The following SPATA6 variants were observed in gnomAD, a reference collection of about 807,000 sequenced individuals.
SPATA6 encodes the protein spermatogenesis associated 6, also known as spermatogenesis-associated protein 6.
In SPATA6, 56 loss-of-function variants were observed where a neutral mutation model predicts 65.3. The ratio of observed to expected loss-of-function variants is 0.86; its 90% CI spans 0.69 to 1.07. The LOEUF is 1.07. Ranked by LOEUF, SPATA6 falls within the 50% of genes least tolerant of loss-of-function variation. The pLI is 0.00. For synonymous variants in SPATA6, 199 were observed against 213.2 expected (o/e 0.93, Z 0.58); for missense variants, 590 against 594.8 (o/e 0.99, Z 0.08).
the SPATA6 span, among the ~76,000 whole-genome samples, chr1:48,268,539 C>T: frequency 2.7e-5 from 4 of 150,250 alleles, no homozygotes; most frequent in Non-Finnish European, 5.9e-5. Context: ...TTTTATAAAA[C>T]GTAAGTGTGC....
intron 2 of SPATA6, among the ~76,000 whole-genome samples, chr1:48,452,268 A>G (rs1189424737): frequency 6.6e-6 from 1 of 152,238 alleles, no homozygotes; most frequent in Non-Finnish European, 1.5e-5. Flanking sequence ...GGAAGGAAAG[A>G]AAGTGAGAAA....
chr1:48,447,668 A>C (rs976363566), intron 3 of SPATA6, among the ~76,000 whole-genome samples: 1 of 152,226 alleles, frequency 6.6e-6, no homozygotes, highest in Admixed American at 6.5e-5. Flanking sequence ...ACAAGTCTCA[A>C]TAAATGTAAA....
intron 11 of SPATA6, among the ~76,000 whole-genome samples, chr1:48,336,727 T>C (rs1646071020): frequency 6.6e-6 from 1 of 151,812 alleles, no homozygotes; most frequent in Admixed American, 6.6e-5. Context: ...AGCAAACCTC[T>C]GAGTCATGAA....
intron 11 of SPATA6, among the ~76,000 whole-genome samples, chr1:48,327,772 C>A (rs964694491): frequency 3.3e-5 from 5 of 152,044 alleles, no homozygotes; most frequent in Admixed American, 1.3e-4. Context: ...AATAGGTGCA[C>A]TGGACACAAA....
chr1:48,366,439 G>C (rs138890371), intron 9 of SPATA6, among the ~76,000 whole-genome samples: 1,859 of 152,212 alleles, frequency 0.012, 46 homozygotes, highest in African/African-American at 0.043. Flanking sequence ...GACTCTCTTT[G>C]GTTGGTAAGC....
intron 9 of SPATA6, among the ~76,000 whole-genome samples, chr1:48,361,287 A>G (rs1040735299): frequency 5.3e-5 from 8 of 152,170 alleles, no homozygotes; most frequent in Non-Finnish European, 4.4e-5. Context: ...GGAAAGAAAC[A>G]CGAGAATGTG....
chr1:48,415,393 C>T (rs529317521), intron 3 of SPATA6, among the ~76,000 whole-genome samples: 1 of 152,156 alleles, frequency 6.6e-6, no homozygotes, highest in South Asian at 2.1e-4. Context: ...TAGCCTTTCC[C>T]CATATTTGTC....
At chr1:48,312,333 C>T (rs554034300) in intron 11 of SPATA6, among the ~76,000 whole-genome samples, 8 of 152,288 alleles carry the variant, frequency 5.3e-5, no homozygotes, top group African/African-American at 1.9e-4. Flanking sequence ...GGCAGACTGA[C>T]TACTCTGAGA....
intron 11 of SPATA6, among the ~76,000 whole-genome samples, chr1:48,317,457 C>T (rs1645468550): frequency 6.6e-6 from 1 of 151,668 alleles, no homozygotes; most frequent in African/African-American, 2.4e-5. Context: ...TGTTCTCACT[C>T]ACAGGTGGGA....
chr1:48,407,036 A>G (rs1046461584), intron 5 of SPATA6, among the ~76,000 whole-genome samples: 1 of 152,162 alleles, frequency 6.6e-6, no homozygotes, highest in Admixed American at 6.5e-5. Context: ...TTTAAATATA[A>G]TGATAGATAT....
chr1:48,282,223 T>C, the SPATA6 span, among the ~76,000 whole-genome samples: 1 of 152,082 alleles, frequency 6.6e-6, no homozygotes, highest in Non-Finnish European at 1.5e-5. Context: ...CCTAAAACCA[T>C]AAAAACCCTA....
intron 11 of SPATA6, among the ~76,000 whole-genome samples, chr1:48,319,366 G>T (rs1645532464): frequency 6.6e-6 from 1 of 152,158 alleles, no homozygotes; most frequent in African/African-American, 2.4e-5. Context: ...TATTATCTAA[G>T]ATGGGACTTG....
downstream of SPATA6, among the ~76,000 whole-genome samples, chr1:48,294,113 G>A (rs1399173392): frequency 6.6e-6 from 1 of 152,160 alleles, no homozygotes; most frequent in Non-Finnish European, 1.5e-5. Context: ...TTTGAGCTCT[G>A]TCACCTAGGC....
At chr1:48,380,265 T>A (rs146014447) in intron 9 of SPATA6, among the ~76,000 whole-genome samples, 1 of 152,324 alleles carries the variant, frequency 6.6e-6, no homozygotes, top group East Asian at 1.9e-4. Context: ...AACTACTATG[T>A]ACCTACATGA....
intron 3 of SPATA6, among the ~76,000 whole-genome samples, chr1:48,414,656 C>T (rs1192189500): frequency 6.6e-6 from 1 of 152,162 alleles, no homozygotes; most frequent in Non-Finnish European, 1.5e-5. Flanking sequence ...GGCATAGGCT[C>T]ACCAAAAGAC....
At chr1:48,279,438 T>C in the SPATA6 span, among the ~76,000 whole-genome samples, 2 of 152,040 alleles carry the variant, frequency 1.3e-5, no homozygotes, top group Non-Finnish European at 2.9e-5. Context: ...AGCAAACCCA[T>C]CTCATGTGCA....
chr1:48,454,009 T>C (rs1490898896), intron 1 of SPATA6, among the ~76,000 whole-genome samples: 1 of 143,864 alleles, frequency 7.0e-6, no homozygotes, highest in Non-Finnish European at 1.5e-5. Flanking sequence ...CATATATTCT[T>C]TTTTTTTTTT....
chr1:48,363,790 A>C (rs932990785), intron 9 of SPATA6, among the ~76,000 whole-genome samples: 28 of 151,014 alleles, frequency 1.9e-4, no homozygotes, highest in Admixed American at 1.5e-3. Flanking sequence ...TTCTTTTTTT[A>C]TTTTTTAAAT....
chr1:48,364,925 G>T (rs548896377), intron 9 of SPATA6, among the ~76,000 whole-genome samples: 40 of 152,108 alleles, frequency 2.6e-4, no homozygotes, highest in Non-Finnish European at 7.4e-5. Context: ...GGTTTTTATG[G>T]TTTTAGGTCT....
Sources: allele counts gnomAD v4.1 joint callset (sites outside exome capture counted in the v4.1 genomes callset), GRCh38; gene constraint gnomAD v4.1.1; transcripts MANE v1.5; gene names NCBI Gene and HGNC (gene_info 2026-07-23, HGNC 2026-07-21).